The following TEX38 variants were observed in gnomAD, a reference collection of about 807,000 sequenced individuals.
TEX38 encodes the protein testis-expressed protein 38.
A neutral mutation model predicts 2.7 loss-of-function variants in TEX38; 5 were observed. The ratio of observed to expected loss-of-function variants is 1.86; its 90% CI spans 0.97 to 3.90. TEX38 has a LOEUF of 3.90. Ranked by LOEUF, TEX38 falls within the 30% of genes most tolerant of loss-of-function variation. TEX38 has a pLI of 0.00. For missense variants in TEX38, 218 were observed against 247.9 expected, an observed-to-expected ratio of 0.88 and a Z score of 0.81; for synonymous variants, 110 against 103.3, an observed-to-expected ratio of 1.06 and a Z score of -0.39.
chr1:46,671,561 T>C (rs569959306), upstream of TEX38, among the ~76,000 whole-genome samples: 1 of 152,290 alleles, frequency 6.6e-6, no homozygotes, highest in Admixed American at 6.5e-5. Flanking sequence ...AACCGTTCCC[T>C]AAAGACCAGC....
intron 1 of TEX38, among the ~76,000 whole-genome samples, 195 bp downstream of exon 1, chr1:46,672,166 T>C (rs1676593518): frequency 6.6e-6 from 1 of 152,128 alleles, no homozygotes; most frequent in South Asian, 2.1e-4. Context: ...CCAGAGAAGA[T>C]ACTATCAATA....
At chr1:46,672,025 A>G (rs1455676717) in intron 1 of TEX38, 54 bp downstream of exon 1, 1 of 1,474,976 alleles carries the variant, frequency 6.8e-7, no homozygotes, top group Non-Finnish European at 9.0e-7. Context: ...GCTTGGGGAC[A>G]AACACTCAGG....
In TEX38 at chr1:46,671,890, T is replaced by C; in HGVS notation, c.-45T>C. 1.3e-6 allele frequency: 2 copies of C among 1,542,368 alleles called. No homozygotes were observed. The highest frequency in any genetic ancestry group is 1.8e-6 in the Non-Finnish European group (2 of 1,138,638). ...CTGGCTGGGCAGATGGGTGGGTGAG[T>C]TCCCTCTCCCCAGAGCCATCGGCCA... On this transcript the variant is annotated 5_prime_UTR_variant, in exon 1 of 2. Transcript: ENST00000334122.
chr1:46,672,762 GTGGA>G (rs1169245731), intron 1 of TEX38, 107 bp from the exon 2 acceptor site: 1 of 954,400 alleles, frequency 1.0e-6, no homozygotes, highest in Non-Finnish European at 1.6e-6. Flanking sequence ...GAGTAGTTAA[GTGGA>G]TGGAGCGATT....
chr1:46,669,354 A>C, upstream of TEX38: 1 of 455,686 alleles, frequency 2.2e-6, no homozygotes, highest in Admixed American at 2.3e-5. Flanking sequence ...GGAACAGTGT[A>C]ATGGAAGATG....
chr1:46,669,910 T>C (rs11211338), upstream of TEX38, among the ~76,000 whole-genome samples: 39,953 of 152,130 alleles, frequency 0.26, 5,557 homozygotes, highest in East Asian at 0.38. Context: ...TTAAGGACTT[T>C]GATTTTAAAT....
chr1:46,671,689 G>A, upstream of TEX38: 2 of 536,454 alleles, frequency 3.7e-6, no homozygotes, highest in South Asian at 4.6e-5. Flanking sequence ...GGAAGTAGTA[G>A]TGACATTCCA....
chr1:46,670,582 G>A (rs1450593151), upstream of TEX38, among the ~76,000 whole-genome samples: 1 of 152,162 alleles, frequency 6.6e-6, no homozygotes, highest in Non-Finnish European at 1.5e-5. Context: ...CAGGGGTCTG[G>A]GTGAGATAAC....
At chr1:46,671,644 G>C (rs1676583752), upstream of TEX38, 3 of 431,474 alleles carry the variant, frequency 7.0e-6, no homozygotes, top group Non-Finnish European at 1.3e-5. Context: ...TAAGGGGTAG[G>C]TACAGACAAT....
chr1:46,670,633 T>C (rs1416091928), upstream of TEX38, among the ~76,000 whole-genome samples: 1 of 152,078 alleles, frequency 6.6e-6, no homozygotes, highest in Non-Finnish European at 1.5e-5. Flanking sequence ...AACTGAGCCC[T>C]AGACATGCCT....
upstream of TEX38, among the ~76,000 whole-genome samples, chr1:46,670,048 G>C (rs372390412): frequency 2.0e-5 from 3 of 152,136 alleles, no homozygotes; most frequent in Non-Finnish European, 4.4e-5. Flanking sequence ...TCTCCCAAGG[G>C]TGACTAATTT....
upstream of TEX38, among the ~76,000 whole-genome samples, chr1:46,671,276 T>G (rs1676578002): frequency 6.6e-6 from 1 of 151,844 alleles, no homozygotes; most frequent in Non-Finnish European, 1.5e-5. Context: ...GGGAAAAGTG[T>G]GTGGAGGACG....
rs892181729 is a variant in TEX38 at position 46,672,968 on chromosome 1, G to A, written c.133G>A (p.Glu45Lys). Residue 45 changes from glutamate (E) to lysine (K), a missense_variant, in exon 2 of 2, where the codon GAA (glutamate) becomes AAA (lysine). By Grantham distance (56) the Glu-to-Lys change is moderately conservative. Coordinates refer to ENST00000334122, the MANE Select transcript of TEX38 (RefSeq NM_001145474.4). Reference sequence around the variant, plus strand: ...GCACTGGAGGAAGAACTTGAGGCGGGAAGAGCATGCCCAGCAGTGGGTGGA... The same window carrying A: ...GCACTGGAGGAAGAACTTGAGGCGGAAAGAGCATGCCCAGCAGTGGGTGGA... ...FLHWRKNLRR[E>K]EHAQQWVEVM... 5.2e-6 allele frequency: 8 copies of A among 1,551,612 alleles called. No homozygotes were observed. In the African/African-American group the frequency reaches 1.1e-4, roughly 21 times the overall value.
At chr1:46,670,965 G>A (rs1157379896), upstream of TEX38, among the ~76,000 whole-genome samples, 1 of 152,182 alleles carries the variant, frequency 6.6e-6, no homozygotes, top group Non-Finnish European at 1.5e-5. Flanking sequence ...TGAGTCTTGA[G>A]TCCAGGGAGA....
At chr1:46,672,550 A>C (rs1291430415) in intron 1 of TEX38, among the ~76,000 whole-genome samples, 1 of 152,194 alleles carries the variant, frequency 6.6e-6, no homozygotes, top group Non-Finnish European at 1.5e-5. Flanking sequence ...GCCCATAGTG[A>C]AACTTCTCAG....
upstream of TEX38, chr1:46,671,759 G>A (rs758226697): frequency 1.2e-5 from 8 of 684,740 alleles, no homozygotes; most frequent in Admixed American, 6.6e-5. Flanking sequence ...CACTTCACAA[G>A]CACTGCCCCT....
At chr1:46,672,747 G>A (rs1002167578) in intron 1 of TEX38, 126 bp from the exon 2 acceptor site, 10 of 833,704 alleles carry the variant, frequency 1.2e-5, no homozygotes, top group South Asian at 3.6e-5. Flanking sequence ...GGGAAGGAAC[G>A]GTGAGAGTAG....
Position 46,672,866 on chromosome 1 carries a change from G to A in TEX38, c.38-7G>A. 4 of 1,546,570 alleles carry A rather than the reference G, an allele frequency of 2.6e-6. No individual in the cohort carries two copies. Among genetic ancestry groups the A allele is most frequent in the South Asian group, 1.2e-5 (1 of 83,598 alleles). Reference sequence around the variant, plus strand: ...AGCATGCCTCTTTTTCTTTCTTGCTGCCTTAGTGTGGGTCTCATTGTACTT... The same window carrying A: ...AGCATGCCTCTTTTTCTTTCTTGCTACCTTAGTGTGGGTCTCATTGTACTT... On this transcript the variant is annotated splice_polypyrimidine_tract_variant and splice_region_variant and intron_variant, in intron 1 of 1. Transcript: ENST00000334122.
chr1:46,673,496 C>T lies in TEX38; in HGVS notation c.*40C>T. On this transcript the variant is annotated 3_prime_UTR_variant, in exon 2 of 2. Transcript: ENST00000334122. Reference sequence around the variant, plus strand: ...AGGTGGGAGCTGCAGGAATCAGGTGCAGAGTAGGAAATGGAACTAACCTCA... The same window carrying T: ...AGGTGGGAGCTGCAGGAATCAGGTGTAGAGTAGGAAATGGAACTAACCTCA... 4 of 1,492,394 alleles carry T rather than the reference C, an allele frequency of 2.7e-6. No individual in the cohort carries two copies. Among genetic ancestry groups the T allele is most frequent in the Admixed American group, 2.1e-5 (1 of 48,230 alleles). 92.4% of individuals were successfully genotyped at this position (1,492,394 alleles called of 1,614,324 possible).
Sources: allele counts gnomAD v4.1 joint callset (sites outside exome capture counted in the v4.1 genomes callset), GRCh38; gene constraint gnomAD v4.1.1; transcripts MANE v1.5; gene names NCBI Gene and HGNC (gene_info 2026-07-23, HGNC 2026-07-21).